The following NUP54 variants were observed in gnomAD, a reference collection of about 807,000 sequenced individuals.
NUP54 encodes the protein nucleoporin p54.
NUP54 carries 27 observed loss-of-function variants against 66.4 expected under a neutral mutation model. That is an observed-to-expected ratio of 0.41 (90% CI 0.30 to 0.56). The LOEUF is 0.56. NUP54 is among the 20% of genes least tolerant of loss of function. The pLI is 0.34. For synonymous variants in NUP54, 206 were observed against 210.7 expected, an observed-to-expected ratio of 0.98 and a Z score of 0.19; for missense variants, 486 against 596.3, an observed-to-expected ratio of 0.82 and a Z score of 1.93.
At chr4:76,123,200 G>T (rs995007675) in intron 9 of NUP54, among the ~76,000 whole-genome samples, 1 of 152,174 alleles carries the variant, frequency 6.6e-6, no homozygotes, top group South Asian at 2.1e-4. Flanking sequence ...TGAGTAAATA[G>T]TATGGTATGC....
At chr4:76,120,086 T>C (rs1730162187) in intron 9 of NUP54, among the ~76,000 whole-genome samples, 1 of 152,206 alleles carries the variant, frequency 6.6e-6, no homozygotes, top group South Asian at 2.1e-4. Flanking sequence ...TTGATGGATA[T>C]ACATTTTGTT....
intron 5 of NUP54, 68 bp from the exon 6 acceptor site, chr4:76,132,787 C>G: frequency 8.7e-7 from 1 of 1,154,896 alleles, no homozygotes; most frequent in Non-Finnish European, 1.2e-6. Context: ...CTCAGCATAT[C>G]ATAGCATGTG....
intron 7 of NUP54, 115 bp downstream of exon 7, chr4:76,131,115 G>A: frequency 4.1e-6 from 3 of 735,902 alleles, no homozygotes; most frequent in African/African-American, 1.8e-5. Context: ...TTAAAGGCCA[G>A]GAAAATGAAA....
chr4:76,142,285 G>C (rs1731297633), intron 3 of NUP54, among the ~76,000 whole-genome samples: 1 of 152,144 alleles, frequency 6.6e-6, no homozygotes, highest in Admixed American at 6.5e-5. Flanking sequence ...CGAATGACTG[G>C]AATACTTGAA....
chr4:76,132,797 G>T, intron 5 of NUP54, 78 bp from the exon 6 acceptor site: 1 of 1,028,050 alleles, frequency 9.7e-7, no homozygotes, highest in Non-Finnish European at 1.4e-6. Context: ...CATAGCATGT[G>T]ATTTCAGAAG....
chr4:76,118,980 T>C (rs894925685), intron 9 of NUP54, among the ~76,000 whole-genome samples: 2 of 152,018 alleles, frequency 1.3e-5, no homozygotes, highest in African/African-American at 4.8e-5. Flanking sequence ...CACTCCAGCC[T>C]GGGCAACAGA....
intron 1 of NUP54, among the ~76,000 whole-genome samples, chr4:76,147,177 G>A (rs1402948904): frequency 6.6e-6 from 1 of 152,122 alleles, no homozygotes; most frequent in Non-Finnish European, 1.5e-5. Flanking sequence ...CTGGTGGTGA[G>A]TTTATACTTT....
intron 11 of NUP54, 103 bp downstream of exon 11, chr4:76,117,561 C>G (rs1730005871): frequency 1.4e-6 from 1 of 717,282 alleles, no homozygotes; most frequent in Non-Finnish European, 2.4e-6. Context: ...TCCAATTTCT[C>G]CACATTCTCA....
chr4:76,124,179 C>T (rs1019145651), intron 9 of NUP54, among the ~76,000 whole-genome samples: 1 of 151,920 alleles, frequency 6.6e-6, no homozygotes, highest in African/African-American at 2.4e-5. Context: ...CCCACTGGTT[C>T]TGGTATGTAA....
chr4:76,126,814 A>C (rs1481333929), intron 8 of NUP54, among the ~76,000 whole-genome samples: 2 of 152,332 alleles, frequency 1.3e-5, no homozygotes, highest in East Asian at 1.9e-4. Context: ...CCCACAAATT[A>C]GTCTTTGCAT....
intron 9 of NUP54, among the ~76,000 whole-genome samples, chr4:76,120,147 C>A (rs1730165912): frequency 6.6e-6 from 1 of 152,040 alleles, no homozygotes; most frequent in South Asian, 2.1e-4. Context: ...ACTCTATAAA[C>A]AATGCTGTAA....
chr4:76,118,569 G>GGGGGGGGGC (rs1730064009), intron 9 of NUP54: 1 of 88,774 alleles, frequency 1.1e-5, no homozygotes, highest in African/African-American at 4.2e-5. Context: ...TTTTTGTGGC[G>GGGGGGGGGC]GGGTGGGGGG....
At chr4:76,122,020 T>C (rs1037992764) in intron 9 of NUP54, among the ~76,000 whole-genome samples, 1 of 152,218 alleles carries the variant, frequency 6.6e-6, no homozygotes. Flanking sequence ...TGGGTGTCCG[T>C]TGTCTAGTTT....
chr4:76,125,316 T>TCACACACACACACACA (rs34954421), intron 8 of NUP54, among the ~76,000 whole-genome samples: 38 of 125,284 alleles, frequency 3.0e-4, no homozygotes, highest in African/African-American at 8.5e-4. Context: ...TGAGACTCCA[T>TCACACACACACACACA]CACACACACA....
chr4:76,118,021 G>A, intron 10 of NUP54, 54 bp downstream of exon 10: 1 of 1,567,380 alleles, frequency 6.4e-7, no homozygotes, highest in African/African-American at 1.4e-5. Flanking sequence ...ATAACTTTTT[G>A]TCTGCAGATC....
In NUP54 at chr4:76,120,156, A is replaced by G. The variant is rs183743096; in HGVS notation, c.1165-1962T>C. 2.1e-3 allele frequency among the ~76,000 whole-genome samples: 321 copies of G among 152,294 alleles called. 2 individuals carry two copies. Among genetic ancestry groups the G allele is most frequent in the African/African-American group, 7.4e-3 (308 of 41,558 alleles). On this transcript the variant is annotated intron_variant, in intron 9 of 11. Coordinates refer to ENST00000264883, the MANE Select transcript of NUP54 (RefSeq NM_017426.4). ...GCTTTGACTCTATAAACAATGCTGT[A>G]ATAAATTTTGTAGCTTTGACACTAC...
chr4:76,143,360 C>T (rs183491375), intron 3 of NUP54, among the ~76,000 whole-genome samples: 1 of 152,224 alleles, frequency 6.6e-6, no homozygotes, highest in Non-Finnish European at 1.5e-5. Flanking sequence ...AATCCCAGCA[C>T]TTTGGGAGGC....
chr4:76,142,059 A>G (rs1042658860), intron 3 of NUP54, among the ~76,000 whole-genome samples: 11 of 152,194 alleles, frequency 7.2e-5, no homozygotes, highest in African/African-American at 2.7e-4. Context: ...TATACAATAA[A>G]TGGATATTAC....
intron 1 of NUP54, chr4:76,145,761 CTCATT>C (rs905875160): frequency 7.3e-6 from 2 of 275,286 alleles, no homozygotes; most frequent in Non-Finnish European, 7.0e-6. Context: ...TTCCTTTAAT[CTCATT>C]TATTTCTGGT....
Sources: allele counts gnomAD v4.1 joint callset (sites outside exome capture counted in the v4.1 genomes callset), GRCh38; gene constraint gnomAD v4.1.1; transcripts MANE v1.5; gene names NCBI Gene and HGNC (gene_info 2026-07-23, HGNC 2026-07-21).